Variants in NFAT5 observed in about 807,000 individuals in gnomAD.
NFAT5 encodes the protein nuclear factor of activated T cells 5.
NFAT5 carries 31 observed loss-of-function variants against 166.5 expected under a neutral mutation model. The observed-to-expected ratio is 0.19, with a 90% CI of 0.14 to 0.25. The LOEUF (loss-of-function observed/expected upper bound fraction) is 0.25. Among genes scored for constraint, NFAT5 ranks in the 10% least tolerant of loss-of-function variants. NFAT5 has a pLI of 1.00. For missense variants in NFAT5, 1,449 were observed against 1,821.8 expected (o/e 0.80, Z 3.72); for synonymous variants, 612 against 639.7 (o/e 0.96, Z 0.65).
Position 69,690,319 on chromosome 16 carries a change from GA to G in NFAT5, c.1775-610del, listed in dbSNP as rs543291121. 2.8e-3 allele frequency among the ~76,000 whole-genome samples: 402 copies of G among 144,636 alleles called. 2 individuals carry two copies. Among genetic ancestry groups the G allele is most frequent in the Middle Eastern group, 7.1e-3 (2 of 282 alleles). 94.9% of individuals were successfully genotyped at this position (144,636 alleles called of 152,430 possible). ...ACCTAAAATAGCCCTTATTTCTGGG[GA>G]AAAAAAAAAAGATGTTTAAAGTCCA... is the stretch of plus-strand genomic sequence containing the variant. On this transcript the variant is annotated intron_variant, in intron 11 of 14. Transcript: ENST00000349945.
chr16:69,681,759 A>T (rs1370428102), intron 10 of NFAT5, among the ~76,000 whole-genome samples: 1 of 152,062 alleles, frequency 6.6e-6, no homozygotes, highest in Non-Finnish European at 1.5e-5. Flanking sequence ...CTACTAAAAA[A>T]TACAAAAAAT....
chr16:69,629,091 A>T (rs2034593838), intron 3 of NFAT5, among the ~76,000 whole-genome samples: 1 of 152,156 alleles, frequency 6.6e-6, no homozygotes, highest in South Asian at 2.1e-4. Flanking sequence ...AAAAAAGAAA[A>T]AATATGAAAT....
chr16:69,577,129 C>T (rs1031266334), intron 2 of NFAT5, among the ~76,000 whole-genome samples: 11 of 152,150 alleles, frequency 7.2e-5, no homozygotes, highest in Non-Finnish European at 1.3e-4. Flanking sequence ...CCTTTCACCC[C>T]GTGTATCCGT....
intron 2 of NFAT5, among the ~76,000 whole-genome samples, chr16:69,606,782 A>C (rs1260770966): frequency 2.6e-5 from 4 of 152,134 alleles, no homozygotes; most frequent in Admixed American, 6.5e-5. Context: ...TGAACTGGGG[A>C]GGCAGAGGTT....
chr16:69,575,251 T>C (rs2142910238), intron 2 of NFAT5, among the ~76,000 whole-genome samples: 1 of 152,246 alleles, frequency 6.6e-6, no homozygotes, highest in Middle Eastern at 3.4e-3. Context: ...CAGTGCAACC[T>C]CCGTCTCTTG....
intron 5 of NFAT5, 86 bp from the exon 6 acceptor site, chr16:69,655,523 T>C: frequency 9.6e-7 from 1 of 1,040,738 alleles, no homozygotes; most frequent in Non-Finnish European, 1.3e-6. Context: ...GTTACAAGTA[T>C]AGGATTTGGT....
chr16:69,634,198 G>A (rs916386855), intron 3 of NFAT5, among the ~76,000 whole-genome samples: 1 of 144,654 alleles, frequency 6.9e-6, no homozygotes, highest in African/African-American at 2.6e-5. Flanking sequence ...AGAATCACTC[G>A]AACCTGGGAG....
intron 2 of NFAT5, among the ~76,000 whole-genome samples, chr16:69,596,402 G>A (rs1188057326): frequency 2.0e-5 from 3 of 152,134 alleles, no homozygotes; most frequent in Non-Finnish European, 4.4e-5. Flanking sequence ...GACACTGTTA[G>A]TCATTAGAAG....
rs559119679 is a variant in NFAT5, at chr16:69,701,707, G to A, written c.*5356G>A. 3.9e-5 allele frequency: 6 copies of A among 152,288 alleles called. No individual in the cohort carries two copies. Among genetic ancestry groups the A allele is most frequent in the African/African-American group, 1.4e-4 (6 of 41,550 alleles). The allele number at this position is 152,288 out of a possible 1,614,324, so 9.4% of individuals were successfully genotyped here. A position where few individuals can be genotyped will look rare whatever the true frequency, so the allele number is the denominator to read the frequency against. ...TGCACCAGATGTGTGTAAATTTCAG[G>A]AAGAAAGTGTTGAAAGCATTTTCTC... On this transcript the variant is annotated 3_prime_UTR_variant, in exon 15 of 15. Transcript: ENST00000349945.
At chr16:69,650,462 G>T (rs1349469686) in intron 4 of NFAT5, among the ~76,000 whole-genome samples, 1 of 152,012 alleles carries the variant, frequency 6.6e-6, no homozygotes, top group Non-Finnish European at 1.5e-5. Flanking sequence ...TTTAGAAATT[G>T]CTTAATTACA....
intron 4 of NFAT5, among the ~76,000 whole-genome samples, chr16:69,652,762 C>G (rs534565414): frequency 9.9e-6 from 1 of 101,078 alleles, no homozygotes; most frequent in Non-Finnish European, 1.9e-5. Flanking sequence ...TTTTTGTTTT[C>G]GCTACCCTCA....
intron 2 of NFAT5, among the ~76,000 whole-genome samples, chr16:69,577,990 C>CA (rs35793232): frequency 1.0e-4 from 15 of 150,024 alleles, no homozygotes; most frequent in East Asian, 1.9e-4. Context: ...GACCCTGTGT[C>CA]AAAAAAAAAA....
At position 69,697,277 on chromosome 16, in the gene NFAT5, T is replaced by G. The variant is rs537986714; in HGVS notation, c.*926T>G. 1 of 152,424 alleles carries G rather than the reference T, an allele frequency of 6.6e-6. No homozygotes were observed. Among genetic ancestry groups the G allele is most frequent in the Non-Finnish European group, 1.5e-5 (1 of 68,016 alleles). 9.4% of individuals were successfully genotyped at this position (152,424 alleles called of 1,614,324 possible). On this transcript the variant is annotated 3_prime_UTR_variant, in exon 15 of 15. Coordinates refer to ENST00000349945, the MANE Select transcript of NFAT5 (RefSeq NM_138713.4). ...TAATATACTACTGGCTTCATGACCC[T>G]GTAGCATCTTTGGCCACTTTAATCT...
rs1187475291 is a variant in NFAT5, at chr16:69,566,239, GT to G, written c.-62del. ...CGGTGCCCGCGGTCCCGGAGAGGAGGTGCCGCCGCCACCGCCGCTCCCCCCC... is the reference window on the plus strand; with the variant it reads ...CGGTGCCCGCGGTCCCGGAGAGGAGGGCCGCCGCCACCGCCGCTCCCCCCC... On this transcript the variant is annotated 5_prime_UTR_variant, in exon 1 of 15. Coordinates refer to ENST00000349945, the MANE Select transcript of NFAT5 (RefSeq NM_138713.4). This position sits in a 1 kb window ranked among gnomAD's most constrained non-coding sequence, Gnocchi z 5.7. The G allele has an allele frequency of 6.0e-6, 9 of 1,497,520 alleles. No individual in the cohort carries two copies. The highest frequency in any genetic ancestry group is 3.5e-4 in the Middle Eastern group (2 of 5,718). The allele number at this position is 1,497,520 out of a possible 1,614,324, so 92.8% of individuals were successfully genotyped here.
intron 2 of NFAT5, among the ~76,000 whole-genome samples, chr16:69,569,444 C>T (rs2016306083): frequency 1.3e-5 from 2 of 151,714 alleles, no homozygotes; most frequent in South Asian, 2.1e-4. Context: ...ATTTTATGGT[C>T]TACTTTAAAA....
intron 11 of NFAT5, among the ~76,000 whole-genome samples, chr16:69,688,817 C>T (rs1276853312): frequency 1.3e-5 from 2 of 152,188 alleles, no homozygotes; most frequent in Non-Finnish European, 2.9e-5. Context: ...TCTGCCTTCA[C>T]AGAGCTCATG....
Position 69,670,107 on chromosome 16 carries a change from T to G in NFAT5, c.1500T>G (p.Val500=). The change falls in exon 8 of 15, where the codon GTT becomes GTG. Residue 500 remains valine, a synonymous_variant. Transcript: ENST00000349945. ...KGTKVIFQEN[V]SDENSWKSEA... is the part of the protein sequence containing the mutation. ...CTAAAGTTATTTTCCAAGAAAATGT[T>G]TCTGGTAAGTACGCATATTTGTGGT... is the stretch of plus-strand genomic sequence containing the variant. 6.2e-7 allele frequency: 1 copy of G among 1,611,366 alleles called. No individual in the cohort carries two copies. Among genetic ancestry groups the G allele is most frequent in the Non-Finnish European group, 8.5e-7 (1 of 1,179,290 alleles).
At chr16:69,568,587 T>A in intron 2 of NFAT5, 39 bp downstream of exon 2, 1 of 1,524,080 alleles carries the variant, frequency 6.6e-7, no homozygotes, top group Non-Finnish European at 9.0e-7. Context: ...TGTGTTAGTA[T>A]GCAAAGGCTT....
chr16:69,571,952 C>T (rs768573490), intron 2 of NFAT5, among the ~76,000 whole-genome samples: 1 of 151,994 alleles, frequency 6.6e-6, no homozygotes, highest in Non-Finnish European at 1.5e-5. Context: ...TTAGTAGAAA[C>T]AGGGTTTCAC....
Sources: gnomAD v4.1 joint callset for allele counts (sites outside exome capture counted in the v4.1 genomes callset) on GRCh38, gnomAD v4.1.1 for gene constraint, Gnocchi (gnomAD v3.1) non-coding constraint, MANE v1.5 for transcripts, NCBI Gene and HGNC (gene_info 2026-07-23, HGNC 2026-07-21) for gene names.